Variants in UNC5B observed in about 807,000 individuals in gnomAD.
The protein encoded by UNC5B is netrin receptor UNC5B.
UNC5B carries 56 observed loss-of-function variants against 103.7 expected under a neutral mutation model. The observed-to-expected ratio is 0.54, with a 90% confidence interval of 0.44 to 0.67. The LOEUF (loss-of-function observed/expected upper bound fraction) is 0.67. Ranked by LOEUF, UNC5B falls within the 30% of genes least tolerant of loss-of-function variation. The pLI is 0.00. For missense variants in UNC5B, 1,194 were observed against 1,284.5 expected (o/e 0.93, Z 1.08); for synonymous variants, 577 against 542.0 (o/e 1.06, Z -0.90).
rs1208224493 is a variant in UNC5B, at chr10:71,299,680, C to CT, written c.*406dup. 12 of 184,292 alleles carry CT rather than the reference C, an allele frequency of 6.5e-5. No individual in the cohort carries two copies. Among genetic ancestry groups the CT allele is most frequent in the Admixed American group, 1.6e-4 (3 of 18,422 alleles). 11.4% of individuals were successfully genotyped at this position (184,292 alleles called of 1,614,324 possible). A position where few individuals can be genotyped will look rare whatever the true frequency, so the allele number is the denominator to read the frequency against. ...TTTCTTCCTCCGTTATTGATTTCTCCTTTCTCCCTAAGCCCCCTTCTGCTT... is the reference window on the plus strand; with the variant it reads ...TTTCTTCCTCCGTTATTGATTTCTCCTTTTCTCCCTAAGCCCCCTTCTGCTT... On this transcript the variant is annotated 3_prime_UTR_variant, in exon 17 of 17. Transcript: ENST00000335350.
chr10:71,273,540 A>T (rs555423073), intron 1 of UNC5B, among the ~76,000 whole-genome samples: 6 of 152,224 alleles, frequency 3.9e-5, no homozygotes, highest in Non-Finnish European at 7.3e-5. Flanking sequence ...TTTGTCCTGA[A>T]GTCATTCCTT....
Position 71,224,364 on chromosome 10 carries a change from G to GACACACACACACAC in UNC5B, c.79+11339_79+11352dup, listed in dbSNP as rs58378731. Among the ~76,000 whole-genome samples, 113 of 97,348 alleles carry GACACACACACACAC rather than the reference G, an allele frequency of 1.2e-3. 1 individual carries two copies. The highest frequency in any genetic ancestry group is 3.8e-3 in the African/African-American group (100 of 26,198). The allele number at this position is 97,348 out of a possible 152,430, so 63.9% of individuals were successfully genotyped here. A position where few individuals can be genotyped will look rare whatever the true frequency, so the allele number is the denominator to read the frequency against. On this transcript the variant is annotated intron_variant, in intron 1 of 16. Coordinates refer to ENST00000335350, the MANE Select transcript of UNC5B (RefSeq NM_170744.5). ...CTGGTCCATCCCACTTCTGTATGTAGACACACACACACACACACACACACA... is the reference window on the plus strand; with the variant it reads ...CTGGTCCATCCCACTTCTGTATGTAGACACACACACACACACACACACACACACACACACACACA...
At chr10:71,279,319 G>T (rs939036351) in intron 1 of UNC5B, among the ~76,000 whole-genome samples, 10 of 152,166 alleles carry the variant, frequency 6.6e-5, no homozygotes, top group African/African-American at 1.9e-4. Context: ...CCTGGCTCCT[G>T]TCCCGCTTGC....
intron 1 of UNC5B, among the ~76,000 whole-genome samples, chr10:71,258,768 T>C (rs73276383): frequency 0.077 from 11,710 of 152,192 alleles, 511 homozygotes; most frequent in Non-Finnish European, 0.083. Flanking sequence ...GTCACCAAGG[T>C]CCCCACCCTG....
chr10:71,229,125 T>C (rs762371262), intron 1 of UNC5B, among the ~76,000 whole-genome samples: 1 of 152,216 alleles, frequency 6.6e-6, no homozygotes, highest in African/African-American at 2.4e-5. Flanking sequence ...ACCAACGTGA[T>C]TGTTGTCTCG....
chr10:71,232,249 A>T (rs1034484605), intron 1 of UNC5B, among the ~76,000 whole-genome samples: 2 of 152,260 alleles, frequency 1.3e-5, no homozygotes, highest in Admixed American at 1.3e-4. Context: ...GAGCTGTGTC[A>T]AAACCTATCT....
intron 1 of UNC5B, among the ~76,000 whole-genome samples, chr10:71,228,004 G>A (rs1243268437): frequency 6.6e-6 from 1 of 152,210 alleles, no homozygotes; most frequent in Non-Finnish European, 1.5e-5. Flanking sequence ...TTACTGGTGT[G>A]TGAATTGGCA....
At chr10:71,237,896 G>C (rs1306670618) in intron 1 of UNC5B, among the ~76,000 whole-genome samples, 4 of 152,200 alleles carry the variant, frequency 2.6e-5, no homozygotes, top group African/African-American at 9.7e-5. Flanking sequence ...GGGAAGAGGT[G>C]TGGTACCTGG....
At chr10:71,248,862 C>T (rs1214298772) in intron 1 of UNC5B, among the ~76,000 whole-genome samples, 1 of 26,756 alleles carries the variant, frequency 3.7e-5, no homozygotes, top group Non-Finnish European at 1.0e-4. Context: ...CTCTCTCTCT[C>T]TCTCTCACAC....
chr10:71,297,842 G>A, intron 15 of UNC5B, 67 bp from the exon 16 acceptor site: 1 of 1,516,434 alleles, frequency 6.6e-7, no homozygotes, highest in Non-Finnish European at 8.9e-7. Flanking sequence ...ACAGTCCAAG[G>A]GGAGGGAGGC....
rs543811416 is a variant in UNC5B, at chr10:71,227,876, A to G, written c.79+14812A>G. Among the ~76,000 whole-genome samples the G allele has an allele frequency of 5.3e-5, 8 of 152,190 alleles. 1 individual carries two copies. Among genetic ancestry groups the G allele is most frequent in the African/African-American group, 1.9e-4 (8 of 41,498 alleles). On this transcript the variant is annotated intron_variant, in intron 1 of 16. Transcript: ENST00000335350. ...GTATTCACCGCTAGAGGTATTAGCAAATGTGATTAAATGAGAGAAGTCAAT... is the reference window on the plus strand; with the variant it reads ...GTATTCACCGCTAGAGGTATTAGCAGATGTGATTAAATGAGAGAAGTCAAT...
chr10:71,284,806 G>A lies in UNC5B; in HGVS notation c.391G>A (p.Val131Met), dbSNP rs536700919. 8.7e-6 allele frequency: 14 copies of A among 1,613,796 alleles called. No homozygotes were observed. The highest frequency in any genetic ancestry group is 5.0e-5 in the Admixed American group (3 of 60,006). Residue 131 changes from valine (V) to methionine (M), a missense_variant, in exon 3 of 17, where the codon GTG becomes ATG. Physicochemically the swap from Val to Met is conservative, Grantham distance 21. Transcript: ENST00000335350. Reference sequence around the variant, plus strand: ...GCTGGAGGATTACTGGTGCCAGTGCGTGGCCTGGAGCTCCGCGGGCACCAC... The same window carrying A: ...GCTGGAGGATTACTGGTGCCAGTGCATGGCCTGGAGCTCCGCGGGCACCAC... Reference protein sequence around the residue: ...FGLEDYWCQCVAWSSAGTTKS... With the variant: ...FGLEDYWCQCMAWSSAGTTKS...
rs75329214 is a variant in UNC5B at position 71,297,236 on chromosome 10, C to G, written c.2490+494C>G. On this transcript the variant is annotated intron_variant, in intron 15 of 16. Transcript: ENST00000335350. ...TTATTGATTGAGTGCCATTCACATG[C>G]TTGGCATATACCAAAAAACTTACAT... is the stretch of plus-strand genomic sequence containing the variant. Among the ~76,000 whole-genome samples the G allele has an allele frequency of 3.5e-3, 535 of 152,356 alleles. 4 individuals carry two copies. Among genetic ancestry groups the G allele is most frequent in the African/African-American group, 0.012 (516 of 41,580 alleles).
At chr10:71,285,945 A>G (rs965381382) in intron 4 of UNC5B, among the ~76,000 whole-genome samples, 5 of 152,184 alleles carry the variant, frequency 3.3e-5, no homozygotes, top group Non-Finnish European at 7.3e-5. Context: ...AGCAGAGTGG[A>G]CGGCTGGGGC....
At chr10:71,228,012 G>A (rs1444183551) in intron 1 of UNC5B, among the ~76,000 whole-genome samples, 3 of 152,178 alleles carry the variant, frequency 2.0e-5, no homozygotes, top group African/African-American at 7.2e-5. Flanking sequence ...GTGTGAATTG[G>A]CAAATAGACC....
chr10:71,234,659 G>A (rs1352509824), intron 1 of UNC5B, among the ~76,000 whole-genome samples: 1 of 152,200 alleles, frequency 6.6e-6, no homozygotes, highest in African/African-American at 2.4e-5. Context: ...TAATAGCTCA[G>A]TGCAAGAGGC....
chr10:71,247,579 T>G (rs1315725700), intron 1 of UNC5B, among the ~76,000 whole-genome samples: 1 of 152,156 alleles, frequency 6.6e-6, no homozygotes, highest in Non-Finnish European at 1.5e-5. Context: ...CCTCTGCACT[T>G]TAACCTGGCA....
intron 1 of UNC5B, among the ~76,000 whole-genome samples, chr10:71,225,038 C>T (rs1843533070): frequency 6.6e-6 from 1 of 152,132 alleles, no homozygotes; most frequent in Admixed American, 6.5e-5. Flanking sequence ...TTGTTATACA[C>T]ATTTGGGAGA....
intron 1 of UNC5B, among the ~76,000 whole-genome samples, chr10:71,256,899 C>T (rs578096902): frequency 2.8e-4 from 43 of 152,184 alleles, no homozygotes; most frequent in Non-Finnish European, 5.6e-4. Flanking sequence ...CACAAGAACA[C>T]GGCAGCCGGT....
Sources: gnomAD v4.1 joint callset for allele counts (sites outside exome capture counted in the v4.1 genomes callset) on GRCh38, gnomAD v4.1.1 for gene constraint, MANE v1.5 for transcripts, NCBI Gene and HGNC (gene_info 2026-07-23, HGNC 2026-07-21) for gene names.